Variants in MYO3B observed in about 807,000 individuals in gnomAD.
The protein encoded by MYO3B is myosin IIIB, also known as myosin-IIIb.
A neutral mutation model predicts 174.6 loss-of-function variants in MYO3B; 156 were observed. The observed-to-expected ratio is 0.89, with a 90% CI of 0.78 to 1.02. The LOEUF (loss-of-function observed/expected upper bound fraction) is 1.02, where lower values mean the gene tolerates loss of function less well. Among genes scored for constraint, MYO3B ranks in the 50% least tolerant of loss-of-function variants. The probability of loss-of-function intolerance (pLI) is 0.00; values close to 1 mark genes in which losing one functional copy is unlikely to be tolerated. For synonymous variants in MYO3B, 563 were observed against 569.1 expected (o/e 0.99, Z 0.15); for missense variants, 1,632 against 1,639.4 (o/e 1.00, Z 0.08).
intron 7 of MYO3B, among the ~76,000 whole-genome samples, chr2:170,331,589 G>A (rs557047116): frequency 3.3e-5 from 5 of 152,056 alleles, no homozygotes; most frequent in African/African-American, 4.8e-5. Flanking sequence ...ACACAAATTT[G>A]TTATCTTATG....
intron 17 of MYO3B, among the ~76,000 whole-genome samples, 161 bp downstream of exon 17, chr2:170,400,475 C>T (rs866442068): frequency 6.0e-5 from 9 of 150,602 alleles, no homozygotes; most frequent in Middle Eastern, 3.4e-3. Flanking sequence ...GTGCAATCTC[C>T]GCTCACTGCA....
At position 170,236,089 on chromosome 2, in the gene MYO3B, T is replaced by A; in HGVS notation, c.702T>A (p.Pro234=). The A allele has an allele frequency of 3.1e-6, 5 of 1,614,092 alleles. No individual in the cohort carries two copies. The highest frequency in any genetic ancestry group is 4.2e-6 in the Non-Finnish European group (5 of 1,179,996). Residue 234 remains proline (P), a synonymous_variant, in exon 7 of 35, where the codon CCT becomes CCA. Coordinates refer to ENST00000408978, the MANE Select transcript of MYO3B (RefSeq NM_138995.5). ...CTATTGAACTGGGGGATGGAGACCC[T>A]CCCCTCTTTGACATGCATCCTGTGA... The part of the protein sequence containing the change: ...ITAIELGDGD[P]PLFDMHPVKT...
intron 32 of MYO3B, among the ~76,000 whole-genome samples, chr2:170,627,195 A>T (rs1057170299): frequency 1.3e-5 from 2 of 152,168 alleles, no homozygotes; most frequent in African/African-American, 4.8e-5. Flanking sequence ...CACCAATCAG[A>T]TGTAGATTTG....
intron 5 of MYO3B, among the ~76,000 whole-genome samples, chr2:170,216,286 T>C (rs2092827314): frequency 6.6e-6 from 1 of 152,234 alleles, no homozygotes; most frequent in South Asian, 2.1e-4. Flanking sequence ...GTGAGACTTC[T>C]GTGTGGTATA....
At chr2:170,447,876 T>G (rs896705562) in intron 23 of MYO3B, among the ~76,000 whole-genome samples, 2 of 151,986 alleles carry the variant, frequency 1.3e-5, no homozygotes, top group African/African-American at 4.8e-5. Flanking sequence ...TAATAGGGAG[T>G]TGAAGCTGTC....
At chr2:170,646,164 G>C (rs1198689178) in intron 32 of MYO3B, among the ~76,000 whole-genome samples, 1 of 151,850 alleles carries the variant, frequency 6.6e-6, no homozygotes, top group Admixed American at 6.6e-5. Context: ...CCAGCTACTA[G>C]GGAGGCTGAG....
At chr2:170,650,700 T>TTTTTG (rs886458096) in intron 32 of MYO3B, among the ~76,000 whole-genome samples, 2 of 115,772 alleles carry the variant, frequency 1.7e-5, no homozygotes, top group Admixed American at 9.4e-5. Context: ...TTTTTTTTTT[T>TTTTTG]TGAGATGGAG....
chr2:170,361,817 C>T (rs757522367), intron 8 of MYO3B, among the ~76,000 whole-genome samples: 1 of 152,188 alleles, frequency 6.6e-6, no homozygotes, highest in Non-Finnish European at 1.5e-5. Flanking sequence ...AGTATAGTCT[C>T]CTTTCCTCTG....
chr2:170,260,487 A>T (rs1193078126), intron 7 of MYO3B, among the ~76,000 whole-genome samples: 1 of 152,236 alleles, frequency 6.6e-6, no homozygotes, highest in Non-Finnish European at 1.5e-5. Flanking sequence ...ATCACTTAAA[A>T]GTGGCAGCTA....
At chr2:170,598,104 T>C (rs1348435188) in intron 32 of MYO3B, among the ~76,000 whole-genome samples, 1 of 152,238 alleles carries the variant, frequency 6.6e-6, no homozygotes, top group African/African-American at 2.4e-5. Context: ...TTGAGAAACT[T>C]GTGATTTGCT....
At chr2:170,346,631 TC>T (rs2105581998) in intron 8 of MYO3B, among the ~76,000 whole-genome samples, 1 of 152,320 alleles carries the variant, frequency 6.6e-6, no homozygotes, top group African/African-American at 2.4e-5. Flanking sequence ...GTTAAATTCC[TC>T]CTCCTCAACC....
chr2:170,412,304 T>C (rs2094551077), intron 22 of MYO3B: 1 of 152,204 alleles, frequency 6.6e-6, no homozygotes, highest in African/African-American at 2.4e-5. Flanking sequence ...GAATTCTGAC[T>C]TCCAAATAGT....
At chr2:170,580,902 A>G (rs1450139415) in intron 32 of MYO3B, among the ~76,000 whole-genome samples, 1 of 152,108 alleles carries the variant, frequency 6.6e-6, no homozygotes, top group Non-Finnish European at 1.5e-5. Flanking sequence ...TTTCATGACT[A>G]CAACACAATA....
intron 22 of MYO3B, among the ~76,000 whole-genome samples, chr2:170,439,883 T>C (rs1452958529): frequency 1.3e-5 from 2 of 152,126 alleles, no homozygotes; most frequent in Non-Finnish European, 2.9e-5. Context: ...GGTTTCACCA[T>C]GTTAGCCAGG....
At chr2:170,603,944 T>C (rs1457655506) in intron 32 of MYO3B, among the ~76,000 whole-genome samples, 1 of 152,208 alleles carries the variant, frequency 6.6e-6, no homozygotes, top group Admixed American at 6.5e-5. Context: ...TTTACATATG[T>C]TTAGATACAC....
chr2:170,453,810 C>CT (rs1683755534), intron 23 of MYO3B, among the ~76,000 whole-genome samples: 1 of 152,188 alleles, frequency 6.6e-6, no homozygotes, highest in Non-Finnish European at 1.5e-5. Flanking sequence ...ATTCCACACC[C>CT]AGTATTGACC....
intron 7 of MYO3B, among the ~76,000 whole-genome samples, chr2:170,328,422 C>G (rs915736746): frequency 1.3e-5 from 2 of 152,018 alleles, no homozygotes; most frequent in African/African-American, 4.8e-5. Context: ...CCTGTGGGAC[C>G]ATTTGCTGAT....
intron 22 of MYO3B, among the ~76,000 whole-genome samples, chr2:170,428,673 C>T (rs1314030513): frequency 2.0e-5 from 3 of 152,146 alleles, no homozygotes; most frequent in Non-Finnish European, 4.4e-5. Flanking sequence ...ACACACTGTT[C>T]GTTGTAGTTC....
At chr2:170,357,534 C>T (rs1017024448) in intron 8 of MYO3B, among the ~76,000 whole-genome samples, 7 of 151,612 alleles carry the variant, frequency 4.6e-5, no homozygotes, top group African/African-American at 1.5e-4. Context: ...ATCTTTCTTC[C>T]CTTATTTCCC....
Sources: gnomAD v4.1 joint callset for allele counts (sites outside exome capture counted in the v4.1 genomes callset) on GRCh38, gnomAD v4.1.1 for gene constraint, MANE v1.5 for transcripts, NCBI Gene and HGNC (gene_info 2026-07-23, HGNC 2026-07-21) for gene names.